Variants in MYT1L observed in about 807,000 individuals in gnomAD.
MYT1L encodes myelin transcription factor 1 like.
A neutral mutation model predicts 126.7 loss-of-function variants in MYT1L; 12 were observed. The observed-to-expected ratio is 0.09, with a 90% CI of 0.06 to 0.15. The LOEUF (loss-of-function observed/expected upper bound fraction) is 0.15, where lower values mean the gene tolerates loss of function less well. Among genes scored for constraint, MYT1L ranks in the 10% least tolerant of loss-of-function variants. The pLI, the probability that MYT1L is intolerant of heterozygous loss-of-function variation, is 1.00. For synonymous variants in MYT1L, 541 were observed against 604.2 expected, an observed-to-expected ratio of 0.90 and a Z score of 1.53; for missense variants, 979 against 1,585.2, an observed-to-expected ratio of 0.62 and a Z score of 6.49.
At chr2:1,934,011 G>C (rs1469857305) in intron 9 of MYT1L, among the ~76,000 whole-genome samples, 1 of 117,766 alleles carries the variant, frequency 8.5e-6, no homozygotes, top group East Asian at 2.5e-4. Flanking sequence ...GTCTTGCTCT[G>C]TCGCCCAGGC....
chr2:1,969,358 AT>A (rs2059632594), intron 8 of MYT1L, among the ~76,000 whole-genome samples: 1 of 152,230 alleles, frequency 6.6e-6, no homozygotes. Context: ...CTCACCCAGA[AT>A]AAATTCCTCC....
intron 4 of MYT1L, among the ~76,000 whole-genome samples, chr2:2,044,079 C>T (rs1288989930): frequency 1.3e-5 from 2 of 152,100 alleles, no homozygotes; most frequent in Non-Finnish European, 2.9e-5. Flanking sequence ...GAATGTTTTA[C>T]AGTGGTTGTG....
chr2:2,310,196 A>G (rs1189649939), intron 1 of MYT1L, among the ~76,000 whole-genome samples: 1 of 152,008 alleles, frequency 6.6e-6, no homozygotes, highest in African/African-American at 2.4e-5. Flanking sequence ...CTCCACCTAT[A>G]CATTGGTATA....
At chr2:1,953,886 T>C (rs558850892) in intron 8 of MYT1L, among the ~76,000 whole-genome samples, 1 of 152,228 alleles carries the variant, frequency 6.6e-6, no homozygotes, top group Non-Finnish European at 1.5e-5. Context: ...ACCTACCTCA[T>C]GGCAGTGAGA....
intron 1 of MYT1L, among the ~76,000 whole-genome samples, chr2:2,328,181 C>A (rs1252627045): frequency 6.6e-6 from 1 of 152,102 alleles, no homozygotes; most frequent in Non-Finnish European, 1.5e-5. Flanking sequence ...CTTTACAAAT[C>A]TTTGAAATTG....
At chr2:1,952,434 G>A (rs899266341) in intron 8 of MYT1L, among the ~76,000 whole-genome samples, 1 of 152,078 alleles carries the variant, frequency 6.6e-6, no homozygotes, top group African/African-American at 2.4e-5. Flanking sequence ...GCATGTGGAC[G>A]CGCATCTTGG....
In MYT1L at chr2:1,801,555, TATC is replaced by T; in HGVS notation, c.3276+138_3276+140del. ...CGGAATGGTGTCTGCGGAAGACCAA[TATC>T]ATAAGGTGGAAAAATAAAGGAAATA... On this transcript the variant is annotated intron_variant, in intron 23 of 24. Coordinates refer to ENST00000647738, the MANE Select transcript of MYT1L (RefSeq NM_001303052.2). This position sits in a 1 kb window ranked among gnomAD's most constrained non-coding sequence, Gnocchi z 4.2. The T allele has an allele frequency of 4.8e-6, 3 of 619,120 alleles. No homozygotes were observed. Among genetic ancestry groups the T allele is most frequent in the Non-Finnish European group, 8.5e-6 (3 of 351,068 alleles). 38.4% of individuals were successfully genotyped at this position (619,120 alleles called of 1,614,324 possible). A position where few individuals can be genotyped will look rare whatever the true frequency, so the allele number is the denominator to read the frequency against.
chr2:2,006,024 G>A (rs576501774), intron 4 of MYT1L, among the ~76,000 whole-genome samples: 13 of 147,710 alleles, frequency 8.8e-5, no homozygotes, highest in South Asian at 4.4e-4. Context: ...TCCTGCATGC[G>A]TTCTTTCCTG....
intron 2 of MYT1L, among the ~76,000 whole-genome samples, chr2:2,247,103 T>G (rs2094549557): frequency 6.6e-6 from 1 of 152,080 alleles, no homozygotes; most frequent in African/African-American, 2.4e-5. Context: ...AGTGGCTGAA[T>G]GGATGGAAAA....
chr2:2,118,679 A>G lies in MYT1L; in HGVS notation c.-304+54193T>C, dbSNP rs1483731524. On this transcript the variant is annotated intron_variant, in intron 3 of 24. Coordinates refer to ENST00000647738, the MANE Select transcript of MYT1L (RefSeq NM_001303052.2). ...CTTGGATACTACCAATCAATATTAA[A>G]TAATTCCAGTCATTTTGCTTGGATT... is the stretch of plus-strand genomic sequence containing the variant. 2.6e-5 allele frequency among the ~76,000 whole-genome samples: 4 copies of G among 152,384 alleles called. No individual in the cohort carries two copies. The East Asian group carries it at 7.7e-4, about 29-fold the overall frequency.
intron 2 of MYT1L, among the ~76,000 whole-genome samples, chr2:2,270,540 A>C (rs958287516): frequency 3.9e-5 from 6 of 152,266 alleles, no homozygotes; most frequent in East Asian, 1.9e-4. Context: ...ATTTGCCCCC[A>C]AAAATGACAC....
chr2:2,105,030 T>C (rs563693111), intron 3 of MYT1L, among the ~76,000 whole-genome samples: 16 of 152,360 alleles, frequency 1.1e-4, no homozygotes, highest in South Asian at 6.2e-4. Flanking sequence ...CTTTTTATGA[T>C]TGGAAAACAA....
At chr2:1,900,697 C>A (rs1451932049) in intron 14 of MYT1L, among the ~76,000 whole-genome samples, 4 of 152,248 alleles carry the variant, frequency 2.6e-5, no homozygotes, top group African/African-American at 9.6e-5. Flanking sequence ...CCGTGTAACA[C>A]TTGCGCCTCT....
chr2:2,137,809 C>A (rs1336452454), intron 3 of MYT1L, among the ~76,000 whole-genome samples: 3 of 151,656 alleles, frequency 2.0e-5, no homozygotes, highest in African/African-American at 7.3e-5. Context: ...ACACCAAAAG[C>A]AATGGTAACA....
chr2:1,990,293 A>G (rs1349068037), intron 5 of MYT1L, among the ~76,000 whole-genome samples: 1 of 152,234 alleles, frequency 6.6e-6, no homozygotes, highest in Non-Finnish European at 1.5e-5. Context: ...GTACCTATTT[A>G]TAAACTCACA....
intron 1 of MYT1L, among the ~76,000 whole-genome samples, chr2:2,296,852 G>T (rs1018589733): frequency 1.3e-5 from 2 of 152,196 alleles, no homozygotes; most frequent in African/African-American, 4.8e-5. Flanking sequence ...GGCCTCACCG[G>T]TGTGTGCAGG....
At chr2:2,141,247 T>G (rs141481114) in intron 3 of MYT1L, among the ~76,000 whole-genome samples, 1 of 152,210 alleles carries the variant, frequency 6.6e-6, no homozygotes, top group African/African-American at 2.4e-5. Flanking sequence ...TGTGTGTAAA[T>G]GGGATCCCAC....
intron 4 of MYT1L, among the ~76,000 whole-genome samples, chr2:2,011,411 AAAAAAAAAG>A (rs1409066910): frequency 2.0e-5 from 3 of 150,064 alleles, no homozygotes; most frequent in South Asian, 2.1e-4. Context: ...TCAGAAAAAG[AAAAAAAAAG>A]AAAAAAAAGA....
At chr2:1,851,769 T>G in intron 18 of MYT1L, 66 bp from the exon 19 acceptor site, 5 of 1,488,060 alleles carry the variant, frequency 3.4e-6, no homozygotes, top group Non-Finnish European at 4.7e-6. Flanking sequence ...AATTAACTTT[T>G]TTTTAATCCA....
Sources: allele counts gnomAD v4.1 joint callset (sites outside exome capture counted in the v4.1 genomes callset), GRCh38; gene constraint gnomAD v4.1.1; non-coding constraint Gnocchi (gnomAD v3.1); transcripts MANE v1.5; gene names NCBI Gene and HGNC (gene_info 2026-07-23, HGNC 2026-07-21).